Variants in SYT2 observed in about 807,000 individuals in gnomAD.
SYT2 encodes the protein synaptotagmin-2.
A neutral mutation model predicts 39.9 loss-of-function variants in SYT2; 15 were observed. The ratio of observed to expected loss-of-function variants is 0.38; its 90% CI spans 0.25 to 0.58. The LOEUF is 0.58. Among genes scored for constraint, SYT2 ranks in the 20% least tolerant of loss-of-function variants. The probability of loss-of-function intolerance (pLI) is 0.70; values close to 1 mark genes in which losing one functional copy is unlikely to be tolerated. For synonymous variants in SYT2, 181 were observed against 204.5 expected (o/e 0.89, Z 0.98); for missense variants, 389 against 530.3 (o/e 0.73, Z 2.62).
intron 1 of SYT2, among the ~76,000 whole-genome samples, chr1:202,694,851 C>A (rs570259918): frequency 6.6e-6 from 1 of 152,150 alleles, no homozygotes; most frequent in South Asian, 2.1e-4. Context: ...GACTGGTTGA[C>A]AACTGTGCAT....
At chr1:202,663,847 C>T (rs1246006151) in intron 1 of SYT2, among the ~76,000 whole-genome samples, 1 of 152,146 alleles carries the variant, frequency 6.6e-6, no homozygotes, top group African/African-American at 2.4e-5. Flanking sequence ...GCTCTGTCTA[C>T]TGGGCTCTTA....
intron 1 of SYT2, among the ~76,000 whole-genome samples, chr1:202,699,097 A>C (rs965299102): frequency 7.1e-6 from 1 of 141,110 alleles, no homozygotes; most frequent in African/African-American, 2.7e-5. Flanking sequence ...ATCTTGGCTC[A>C]CTGCAGCCTC....
At chr1:202,676,871 G>A (rs1333921945) in intron 1 of SYT2, among the ~76,000 whole-genome samples, 1 of 152,194 alleles carries the variant, frequency 6.6e-6, no homozygotes, top group East Asian at 1.9e-4. Context: ...ATGTCTAATT[G>A]TAATCCCCAC....
At chr1:202,608,570 C>G (rs1424474649) in intron 1 of SYT2, among the ~76,000 whole-genome samples, 1 of 152,222 alleles carries the variant, frequency 6.6e-6, no homozygotes, top group Non-Finnish European at 1.5e-5. Flanking sequence ...GCCACCGCAC[C>G]TTGCCTAGAA....
At chr1:202,698,446 C>T (rs548546043) in intron 1 of SYT2, among the ~76,000 whole-genome samples, 102 of 152,314 alleles carry the variant, frequency 6.7e-4, no homozygotes, top group African/African-American at 2.4e-3. Context: ...CCCCGCCCTC[C>T]GCTTCACTCA....
intron 1 of SYT2, among the ~76,000 whole-genome samples, chr1:202,640,786 G>GACAGAC (rs1558443968): frequency 8.4e-6 from 1 of 118,642 alleles, no homozygotes; most frequent in Admixed American, 8.3e-5. Flanking sequence ...GAGAGAGAGA[G>GACAGAC]AGAGAGACAG....
chr1:202,703,270 C>T (rs555614916), intron 1 of SYT2, among the ~76,000 whole-genome samples: 26 of 151,922 alleles, frequency 1.7e-4, no homozygotes, highest in African/African-American at 6.0e-4. Context: ...CCCCGGCCAC[C>T]GCTCCCCTCC....
At chr1:202,606,106 T>TA (rs966808821) in intron 1 of SYT2, among the ~76,000 whole-genome samples, 7 of 151,682 alleles carry the variant, frequency 4.6e-5, no homozygotes, top group Non-Finnish European at 7.4e-5. Flanking sequence ...TTCTGTCTCT[T>TA]AAAAAAAATA....
chr1:202,667,718 A>AT (rs1300960007), intron 1 of SYT2, among the ~76,000 whole-genome samples: 1 of 151,394 alleles, frequency 6.6e-6, no homozygotes, highest in African/African-American at 2.4e-5. Context: ...ATTTTATTTT[A>AT]TTTATTTATT....
chr1:202,635,271 C>T (rs1325762699), intron 1 of SYT2, among the ~76,000 whole-genome samples: 1 of 152,114 alleles, frequency 6.6e-6, no homozygotes, highest in East Asian at 1.9e-4. Flanking sequence ...CAGGTCTGCC[C>T]TTATGTATCT....
At chr1:202,664,374 C>A (rs1692444713) in intron 1 of SYT2, among the ~76,000 whole-genome samples, 1 of 152,142 alleles carries the variant, frequency 6.6e-6, no homozygotes, top group Admixed American at 6.5e-5. Context: ...GTTTTCCAAT[C>A]AACTTCATTG....
intron 1 of SYT2, among the ~76,000 whole-genome samples, chr1:202,684,470 CCTT>C (rs143064596): frequency 6.6e-4 from 101 of 152,238 alleles, no homozygotes; most frequent in African/African-American, 2.4e-3. Context: ...AACAGCATCT[CCTT>C]CTTTTTTAAA....
chr1:202,644,087 G>A (rs1363673758), intron 1 of SYT2, among the ~76,000 whole-genome samples: 1 of 152,222 alleles, frequency 6.6e-6, no homozygotes, highest in Non-Finnish European at 1.5e-5. Flanking sequence ...AGGGGAGCTG[G>A]GGAGTTCGCC....
chr1:202,654,413 G>A (rs1356751030), intron 1 of SYT2, among the ~76,000 whole-genome samples: 1 of 152,160 alleles, frequency 6.6e-6, no homozygotes, highest in Non-Finnish European at 1.5e-5. Context: ...TTCTTCGAAG[G>A]CACCAGAACG....
chr1:202,650,217 T>A (rs181296693), intron 1 of SYT2, among the ~76,000 whole-genome samples: 2 of 152,316 alleles, frequency 1.3e-5, no homozygotes, highest in Admixed American at 1.3e-4. Flanking sequence ...TGAGGAACTC[T>A]ACCTGAGTGA....
At chr1:202,622,263 G>A (rs1691221658) in intron 1 of SYT2, among the ~76,000 whole-genome samples, 1 of 152,174 alleles carries the variant, frequency 6.6e-6, no homozygotes, top group Admixed American at 6.5e-5. Flanking sequence ...GGAGGCTGAG[G>A]ATAAAGTTTT....
chr1:202,601,153 G>A lies in SYT2; in HGVS notation c.802-679C>T, dbSNP rs1391858903. On this transcript the variant is annotated intron_variant, in intron 6 of 8. Coordinates refer to ENST00000367268, the MANE Select transcript of SYT2 (RefSeq NM_177402.5). This position sits in a 1 kb window ranked among gnomAD's most constrained non-coding sequence, Gnocchi z 4.0. The stretch of plus-strand genomic sequence containing the variant: ...CACTGTAGGCAGGCTGAGGACCCAG[G>A]GCTCCTAATTCCTAAGGCCAACACC... Among the ~76,000 whole-genome samples, 2 of 152,166 alleles carry A rather than the reference G, an allele frequency of 1.3e-5. No homozygotes were observed. Among genetic ancestry groups the A allele is most frequent in the Non-Finnish European group, 2.9e-5 (2 of 68,034 alleles).
intron 4 of SYT2, 89 bp downstream of exon 4, chr1:202,602,910 T>A: frequency 6.7e-7 from 1 of 1,490,172 alleles, no homozygotes; most frequent in Non-Finnish European, 9.3e-7. Context: ...TGCCCACACA[T>A]CTCTGAGGGA....
At position 202,671,912 on chromosome 1, in the gene SYT2, A is replaced by G. The variant is rs1572670583; in HGVS notation, c.-18+38346T>C. ...AAAAAAGAAAGAAAAATTTCTCTCC[A>G]GGGAAGATAGCAAATGATTTGTCAA... On this transcript the variant is annotated intron_variant, in intron 1 of 8. Transcript: ENST00000367268. 2.0e-5 allele frequency among the ~76,000 whole-genome samples: 3 copies of G among 152,236 alleles called. No individual in the cohort carries two copies. The South Asian group carries it at 6.2e-4, about 32-fold the overall frequency.
Sources: gnomAD v4.1 joint callset for allele counts (sites outside exome capture counted in the v4.1 genomes callset) on GRCh38, gnomAD v4.1.1 for gene constraint, Gnocchi (gnomAD v3.1) non-coding constraint, MANE v1.5 for transcripts, NCBI Gene and HGNC (gene_info 2026-07-23, HGNC 2026-07-21) for gene names.